The following ANK1 variants were observed in gnomAD, a reference collection of about 807,000 sequenced individuals.
ANK1 encodes ankyrin-1.
In ANK1, 51 loss-of-function variants were observed where a neutral mutation model predicts 210.4. The observed-to-expected ratio is 0.24, with a 90% CI of 0.19 to 0.31. ANK1 has a LOEUF of 0.31. Among genes scored for constraint, ANK1 ranks in the 10% least tolerant of loss-of-function variants. The probability of loss-of-function intolerance (pLI) is 1.00; values close to 1 mark genes in which losing one functional copy is unlikely to be tolerated. For missense variants in ANK1, 2,051 were observed against 2,504.4 expected, an observed-to-expected ratio of 0.82 and a Z score of 3.86; for synonymous variants, 967 against 1,025.9, an observed-to-expected ratio of 0.94 and a Z score of 1.10.
chr8:41,809,845 G>A (rs1439391094), intron 1 of ANK1, among the ~76,000 whole-genome samples: 1 of 152,210 alleles, frequency 6.6e-6, no homozygotes, highest in African/African-American at 2.4e-5. Context: ...GCTAATTACT[G>A]ACTGAGGCTG....
chr8:41,670,580 G>T (rs1811948781), intron 38 of ANK1, among the ~76,000 whole-genome samples: 1 of 152,176 alleles, frequency 6.6e-6, no homozygotes, highest in South Asian at 2.1e-4. Context: ...CCAAAGATTT[G>T]TGTAGGAAAA....
At chr8:41,748,461 C>T (rs510889) in intron 2 of ANK1, among the ~76,000 whole-genome samples, 39,630 of 152,116 alleles carry the variant, frequency 0.26, 6,031 homozygotes, top group East Asian at 0.55. Context: ...GGATTGACCA[C>T]CATCCTCACC....
intron 1 of ANK1, chr8:41,788,851 T>G (rs1270139205): frequency 6.6e-6 from 1 of 152,252 alleles, no homozygotes; most frequent in East Asian, 1.9e-4. Context: ...GACCAAAGTC[T>G]CAGGCTGACG....
intron 1 of ANK1, among the ~76,000 whole-genome samples, chr8:41,880,814 G>A (rs1207279729): frequency 6.6e-6 from 1 of 152,250 alleles, no homozygotes; most frequent in Non-Finnish European, 1.5e-5. Flanking sequence ...GAGGCGCCTG[G>A]TGGGTCCTGA....
chr8:41,704,025 G>T lies in ANK1; in HGVS notation c.2295+16C>A. The T allele has an allele frequency of 6.2e-7, 1 of 1,611,582 alleles. No individual in the cohort carries two copies. Among genetic ancestry groups the T allele is most frequent in the Non-Finnish European group, 8.5e-7 (1 of 1,177,834 alleles). ...GGGGAGCAGTTTTCTAAACTCAGGA[G>T]AGAGAGTGTACTCACCGAGCTGACC... is the stretch of plus-strand genomic sequence containing the variant. On this transcript the variant is annotated intron_variant, in intron 20 of 42. Transcript: ENST00000289734. This position sits in a 1 kb window ranked among gnomAD's most constrained non-coding sequence, Gnocchi z 4.1.
At chr8:41,711,930 T>C (rs1826242196) in intron 16 of ANK1, among the ~76,000 whole-genome samples, 1 of 137,750 alleles carries the variant, frequency 7.3e-6, no homozygotes, top group African/African-American at 2.6e-5. Flanking sequence ...TATTAGGCCA[T>C]CTTTTTTTTT....
Position 41,822,112 on chromosome 8 carries a change from G to A in ANK1, c.127-63975C>T, listed in dbSNP as rs7001865. Among the ~76,000 whole-genome samples, 215 of 29,350 alleles carry A rather than the reference G, an allele frequency of 7.3e-3. 3 individuals are homozygous for A. The highest frequency in any genetic ancestry group is 0.015 in the African/African-American group (132 of 8,586). The allele number at this position is 29,350 out of a possible 152,430, so 19.3% of individuals were successfully genotyped here. On this transcript the variant is annotated intron_variant, in intron 1 of 42. Coordinates refer to the ANK1 transcript ENST00000265709. ...AGAGAGAGAGAGAGAGAGAGAGAGA[G>A]AGAAAGAAAGAGAAAGAAAGAGAAA...
chr8:41,780,492 G>A (rs149923015), intron 1 of ANK1, among the ~76,000 whole-genome samples: 28 of 152,314 alleles, frequency 1.8e-4, no homozygotes, highest in African/African-American at 5.5e-4. Context: ...GGGGTGAGAC[G>A]TCCTCCTCTG....
intron 1 of ANK1, among the ~76,000 whole-genome samples, chr8:41,830,505 G>A (rs1255088544): frequency 6.6e-6 from 1 of 152,012 alleles, no homozygotes; most frequent in African/African-American, 2.4e-5. Context: ...AACAATGACA[G>A]CATGAATAAC....
At chr8:41,795,687 T>G (rs1276877706) in intron 1 of ANK1, among the ~76,000 whole-genome samples, 1 of 151,734 alleles carries the variant, frequency 6.6e-6, no homozygotes, top group Non-Finnish European at 1.5e-5. Context: ...CAGTCATACA[T>G]AGGAGCTAAA....
intron 26 of ANK1, 32 bp from the exon 27 acceptor site, chr8:41,695,363 T>G (rs1049239660): frequency 9.9e-6 from 16 of 1,608,930 alleles, no homozygotes; most frequent in Non-Finnish European, 1.4e-5. Flanking sequence ...GGTGGGGAGG[T>G]GCTCATACAA....
At chr8:41,723,374 C>T in intron 8 of ANK1, 151 bp from the exon 9 acceptor site, 1 of 1,163,426 alleles carries the variant, frequency 8.6e-7, no homozygotes, top group Non-Finnish European at 1.3e-6. Context: ...TTACTATTGC[C>T]TCCCACTGCA....
At chr8:41,727,386 C>T (rs1830974603) in intron 4 of ANK1, 38 bp from the exon 5 acceptor site, 1 of 1,493,100 alleles carries the variant, frequency 6.7e-7, no homozygotes, top group African/African-American at 1.4e-5. Context: ...CATCCACCCG[C>T]AATTTAAGAA....
intron 1 of ANK1, among the ~76,000 whole-genome samples, chr8:41,770,877 C>G (rs550961920): frequency 3.3e-4 from 50 of 152,348 alleles, no homozygotes; most frequent in Admixed American, 2.9e-3. Context: ...CACATTGGAG[C>G]TAATTATATG....
At chr8:41,766,378 A>G (rs1381731750) in intron 1 of ANK1, among the ~76,000 whole-genome samples, 1 of 152,186 alleles carries the variant, frequency 6.6e-6, no homozygotes, top group African/African-American at 2.4e-5. Flanking sequence ...TGTGTGTTTT[A>G]TTATGTTTCT....
intron 2 of ANK1, among the ~76,000 whole-genome samples, chr8:41,739,754 G>A (rs990554367): frequency 6.6e-6 from 1 of 152,052 alleles, no homozygotes; most frequent in Non-Finnish European, 1.5e-5. Context: ...TTCTTACAAA[G>A]GTAGACTGCG....
At chr8:41,863,086 C>T (rs530862974) in intron 1 of ANK1, among the ~76,000 whole-genome samples, 2 of 152,176 alleles carry the variant, frequency 1.3e-5, no homozygotes, top group East Asian at 1.9e-4. Flanking sequence ...TAGCCGGGCG[C>T]GGTGGCTCAT....
At chr8:41,706,992 T>C (rs1055753814) in intron 17 of ANK1, among the ~76,000 whole-genome samples, 9 of 152,124 alleles carry the variant, frequency 5.9e-5, no homozygotes, top group African/African-American at 9.7e-5. Context: ...CCCAGCTACT[T>C]GGGTGGCTGA....
chr8:41,736,219 C>T (rs934282051), intron 2 of ANK1, among the ~76,000 whole-genome samples: 2 of 152,176 alleles, frequency 1.3e-5, no homozygotes, highest in South Asian at 4.1e-4. Context: ...CAGGCAGAAA[C>T]CAACTCCCCT....
Sources: allele counts gnomAD v4.1 joint callset (sites outside exome capture counted in the v4.1 genomes callset), GRCh38; gene constraint gnomAD v4.1.1; non-coding constraint Gnocchi (gnomAD v3.1); transcripts MANE v1.5; gene names NCBI Gene and HGNC (gene_info 2026-07-23, HGNC 2026-07-21).